Variants in ERBB4 observed in about 807,000 individuals in gnomAD.
The protein encoded by ERBB4 is receptor tyrosine-protein kinase erbB-4.
ERBB4 carries 42 observed loss-of-function variants against 158.0 expected under a neutral mutation model. That is an observed-to-expected ratio of 0.27 (90% CI 0.21 to 0.34). The LOEUF is 0.34. Among genes scored for constraint, ERBB4 ranks in the 10% least tolerant of loss-of-function variants. The pLI, the probability that ERBB4 is intolerant of heterozygous loss-of-function variation, is 1.00. For synonymous variants in ERBB4, 583 were observed against 558.7 expected, an observed-to-expected ratio of 1.04 and a Z score of -0.61; for missense variants, 1,333 against 1,624.1, an observed-to-expected ratio of 0.82 and a Z score of 3.08.
At chr2:211,850,087 G>C (rs757874725) in intron 3 of ERBB4, among the ~76,000 whole-genome samples, 1 of 151,858 alleles carries the variant, frequency 6.6e-6, no homozygotes, top group Non-Finnish European at 1.5e-5. Context: ...ATCGCTGTTT[G>C]CATAGAACCA....
intron 19 of ERBB4, among the ~76,000 whole-genome samples, chr2:211,580,812 A>AAT (rs1553575877): frequency 4.1e-5 from 2 of 48,304 alleles, no homozygotes; most frequent in African/African-American, 1.1e-4. Flanking sequence ...ATATATATAT[A>AAT]ATATATATAT....
intron 1 of ERBB4, among the ~76,000 whole-genome samples, chr2:212,317,065 A>G (rs1181392858): frequency 6.6e-6 from 1 of 151,498 alleles, no homozygotes; most frequent in Non-Finnish European, 1.5e-5. Flanking sequence ...TAGTTAATGA[A>G]TTTTCCAACT....
chr2:211,511,814 T>C (rs937930507), intron 20 of ERBB4, among the ~76,000 whole-genome samples: 7 of 152,056 alleles, frequency 4.6e-5, no homozygotes, highest in Admixed American at 4.6e-4. Flanking sequence ...AATGTCTTTT[T>C]CCCCTACGCC....
intron 1 of ERBB4, among the ~76,000 whole-genome samples, chr2:212,429,005 T>C (rs959095784): frequency 7.2e-5 from 11 of 152,132 alleles, no homozygotes; most frequent in African/African-American, 2.7e-4. Context: ...AGAATGTTAA[T>C]ATAAAAGTTA....
In ERBB4 at chr2:211,984,651, C is replaced by CA. The variant is rs201343410; in HGVS notation, c.235-37036dup. Among the ~76,000 whole-genome samples, 1,262 of 147,486 alleles carry CA rather than the reference C, an allele frequency of 8.6e-3. 14 individuals carry two copies. Among genetic ancestry groups the CA allele is most frequent in the African/African-American group, 0.025 (1,013 of 40,292 alleles). ...AAGAAGGTATCTAATAAATGCTAAC[C>CA]AAAAAAAAATGAAGAATAATGTATA... On this transcript the variant is annotated intron_variant, in intron 2 of 27. Transcript: ENST00000342788.
intron 3 of ERBB4, among the ~76,000 whole-genome samples, chr2:211,812,262 G>C (rs2076774686): frequency 6.6e-6 from 1 of 152,128 alleles, no homozygotes; most frequent in Non-Finnish European, 1.5e-5. Flanking sequence ...CTGTTTATTA[G>C]TTTTCCAACA....
chr2:212,192,056 TTATATATGTTATATGTTA>T (rs2082280856), intron 1 of ERBB4, among the ~76,000 whole-genome samples: 1 of 79,690 alleles, frequency 1.3e-5, no homozygotes, highest in Non-Finnish European at 3.2e-5. Context: ...ATGTTATATG[TTATATATGTTATATGTTA>T]TATATATTAT....
At chr2:212,408,712 G>C (rs1262664518) in intron 1 of ERBB4, among the ~76,000 whole-genome samples, 3 of 152,096 alleles carry the variant, frequency 2.0e-5, no homozygotes, top group African/African-American at 7.2e-5. Context: ...CAGACATTCT[G>C]ATTTAATTAA....
chr2:211,846,989 A>C (rs1361753791), intron 3 of ERBB4, among the ~76,000 whole-genome samples: 4 of 152,110 alleles, frequency 2.6e-5, no homozygotes, highest in Non-Finnish European at 5.9e-5. Flanking sequence ...TGGTGGTTGG[A>C]GTTTTGTAAG....
At position 212,125,971 on chromosome 2, in the gene ERBB4, T is replaced by C. The variant is rs182660204; in HGVS notation, c.83-1068A>G. Reference sequence around the variant, plus strand: ...TGCTAGGTTGAATGGTATTTCTGTCTTTAGGTCTAAACTGAAATATTTGTA... The same window carrying C: ...TGCTAGGTTGAATGGTATTTCTGTCCTTAGGTCTAAACTGAAATATTTGTA... On this transcript the variant is annotated intron_variant, in intron 1 of 27. Transcript: ENST00000342788. 1.8e-3 allele frequency among the ~76,000 whole-genome samples: 274 copies of C among 152,332 alleles called. 5 individuals are homozygous for C. The highest frequency in any genetic ancestry group is 3.1e-4 in the Non-Finnish European group (21 of 68,026).
intron 2 of ERBB4, among the ~76,000 whole-genome samples, chr2:212,076,580 T>C (rs534704703): frequency 7.5e-4 from 114 of 151,892 alleles, no homozygotes; most frequent in Non-Finnish European, 1.4e-3. Context: ...AGTGATCTAG[T>C]TGAAATATAT....
At chr2:211,919,522 C>G (rs1412863691) in intron 3 of ERBB4, among the ~76,000 whole-genome samples, 2 of 151,898 alleles carry the variant, frequency 1.3e-5, no homozygotes, top group Non-Finnish European at 2.9e-5. Context: ...GCAAATAACC[C>G]TAGTAAATGT....
At chr2:211,855,161 C>T (rs976029448) in intron 3 of ERBB4, among the ~76,000 whole-genome samples, 2 of 152,038 alleles carry the variant, frequency 1.3e-5, no homozygotes, top group Admixed American at 1.3e-4. Context: ...GGAGAGTGCT[C>T]CTTCAAGATT....
intron 3 of ERBB4, among the ~76,000 whole-genome samples, chr2:211,831,679 A>T (rs1293827828): frequency 6.6e-6 from 1 of 152,144 alleles, no homozygotes; most frequent in African/African-American, 2.4e-5. Flanking sequence ...AGGTGGGTGG[A>T]TCACCTGAGG....
chr2:211,845,212 A>G (rs1372715699), intron 3 of ERBB4, among the ~76,000 whole-genome samples: 1 of 152,052 alleles, frequency 6.6e-6, no homozygotes, highest in Non-Finnish European at 1.5e-5. Flanking sequence ...CCTCAAATAT[A>G]CCAATACCCT....
intron 5 of ERBB4, among the ~76,000 whole-genome samples, chr2:211,731,155 C>T (rs2074415314): frequency 6.6e-6 from 1 of 152,120 alleles, no homozygotes; most frequent in African/African-American, 2.4e-5. Context: ...CAGTAGAAAA[C>T]TTCCCTTCTC....
intron 20 of ERBB4, among the ~76,000 whole-genome samples, chr2:211,529,338 A>G (rs1211144783): frequency 2.0e-5 from 3 of 152,106 alleles, no homozygotes; most frequent in East Asian, 3.9e-4. Flanking sequence ...ACAAGTAATA[A>G]GTAATGAGAT....
chr2:211,909,227 T>C (rs181034679), intron 3 of ERBB4, among the ~76,000 whole-genome samples: 5 of 151,906 alleles, frequency 3.3e-5, no homozygotes, highest in African/African-American at 1.2e-4. Context: ...AAATATTTCC[T>C]GGCAACGAGG....
At chr2:211,733,211 G>A (rs563294263) in intron 5 of ERBB4, among the ~76,000 whole-genome samples, 2 of 152,114 alleles carry the variant, frequency 1.3e-5, no homozygotes, top group Non-Finnish European at 2.9e-5. Context: ...ATGATTCATT[G>A]AGGGACCTTA....
Sources: allele counts gnomAD v4.1 joint callset (sites outside exome capture counted in the v4.1 genomes callset), GRCh38; gene constraint gnomAD v4.1.1; transcripts MANE v1.5; gene names NCBI Gene and HGNC (gene_info 2026-07-23, HGNC 2026-07-21).